Variants in KAZN observed in about 807,000 individuals in gnomAD.
KAZN encodes kazrin, periplakin interacting protein, also known as kazrin.
In KAZN, 40 loss-of-function variants were observed where a neutral mutation model predicts 87.4. The ratio of observed to expected loss-of-function variants is 0.46; its 90% CI spans 0.36 to 0.60. KAZN has a LOEUF of 0.60. Among genes scored for constraint, KAZN ranks in the 20% least tolerant of loss-of-function variants. The pLI, the probability that KAZN is intolerant of heterozygous loss-of-function variation, is 0.00. For missense variants in KAZN, 898 were observed against 1,073.9 expected (o/e 0.84, Z 2.29); for synonymous variants, 466 against 458.3 (o/e 1.02, Z -0.22).
At chr1:14,062,822 G>C (rs761457342) in intron 1 of KAZN, among the ~76,000 whole-genome samples, 3 of 151,932 alleles carry the variant, frequency 2.0e-5, no homozygotes, top group Non-Finnish European at 4.4e-5. Context: ...TTTAGGGGTG[G>C]GGCAGTGTTC....
intron 2 of KAZN, among the ~76,000 whole-genome samples, chr1:14,317,704 T>C (rs1044958129): frequency 2.0e-5 from 3 of 151,984 alleles, no homozygotes; most frequent in African/African-American, 7.2e-5. Flanking sequence ...AGTCTTCTTT[T>C]AATGTCATCA....
At position 14,769,591 on chromosome 1, in the gene KAZN, T is replaced by G. The variant is rs149852756; in HGVS notation, c.226+170368T>G. The stretch of plus-strand genomic sequence containing the variant: ...CTAGTTTCAAACTTATGACCTCAGG[T>G]GATCCACCTGCCTCAGCCTCCCAAA... On this transcript the variant is annotated intron_variant, in intron 1 of 14. Coordinates refer to ENST00000376030, the MANE Select transcript of KAZN (RefSeq NM_201628.3). This position sits in a 1 kb window ranked among gnomAD's most constrained non-coding sequence, Gnocchi z 4.1. 0.013 allele frequency among the ~76,000 whole-genome samples: 1,958 copies of G among 152,240 alleles called. 33 individuals carry two copies. Among genetic ancestry groups the G allele is most frequent in the African/African-American group, 0.033 (1,353 of 41,542 alleles).
chr1:14,440,512 T>C (rs1053979234), intron 2 of KAZN, among the ~76,000 whole-genome samples: 5 of 152,356 alleles, frequency 3.3e-5, no homozygotes, highest in African/African-American at 1.2e-4. Flanking sequence ...AACCCCATCC[T>C]ACTGAAGCAA....
chr1:14,303,129 A>C (rs962924773), intron 2 of KAZN, among the ~76,000 whole-genome samples: 1 of 152,206 alleles, frequency 6.6e-6, no homozygotes, highest in African/African-American at 2.4e-5. Flanking sequence ...TTAAACAAAG[A>C]AGCCAAGAGG....
At chr1:14,095,065 A>G (rs929712671) in intron 1 of KAZN, among the ~76,000 whole-genome samples, 4 of 152,200 alleles carry the variant, frequency 2.6e-5, no homozygotes, top group African/African-American at 7.2e-5. Context: ...GGGCAGGACA[A>G]TTCTATGCTG....
intron 8 of KAZN, among the ~76,000 whole-genome samples, chr1:15,074,810 G>A (rs1639667723): frequency 6.6e-6 from 1 of 152,160 alleles, no homozygotes; most frequent in African/African-American, 2.4e-5. Flanking sequence ...CTGTGCCTTC[G>A]TTTCTTCATG....
chr1:14,011,954 T>C (rs1640334563), intron 1 of KAZN, among the ~76,000 whole-genome samples: 2 of 152,086 alleles, frequency 1.3e-5, no homozygotes, highest in Admixed American at 1.3e-4. Context: ...TAGGGGGTGT[T>C]TGGAAATGAT....
chr1:14,896,615 G>A (rs920510752), intron 1 of KAZN, among the ~76,000 whole-genome samples: 2 of 152,152 alleles, frequency 1.3e-5, no homozygotes, highest in African/African-American at 4.8e-5. Context: ...AGCAGGCTGC[G>A]GCTGTATCAG....
chr1:14,695,262 G>C (rs1282731615), intron 1 of KAZN, among the ~76,000 whole-genome samples: 10 of 152,076 alleles, frequency 6.6e-5, no homozygotes, highest in Non-Finnish European at 1.5e-4. Flanking sequence ...CTACAACATG[G>C]CCCTGGGGAT....
At chr1:14,415,382 T>G (rs1425360429) in intron 2 of KAZN, among the ~76,000 whole-genome samples, 1 of 152,038 alleles carries the variant, frequency 6.6e-6, no homozygotes, top group African/African-American at 2.4e-5. Context: ...AATTGAGGGT[T>G]TGGGTAAATT....
intron 1 of KAZN, among the ~76,000 whole-genome samples, chr1:14,943,232 G>C (rs1661354090): frequency 6.6e-6 from 1 of 150,940 alleles, no homozygotes; most frequent in South Asian, 2.1e-4. Flanking sequence ...GCCACTCAGA[G>C]CAAGAATTAA....
intron 1 of KAZN, among the ~76,000 whole-genome samples, chr1:14,862,267 T>C (rs1420315329): frequency 6.6e-6 from 1 of 151,998 alleles, no homozygotes; most frequent in Admixed American, 6.5e-5. Flanking sequence ...AGAGAGGAAA[T>C]GAGGAACCAG....
Position 15,011,986 on chromosome 1 carries a change from T to G in KAZN, c.419-22763T>G, listed in dbSNP as rs1364193186. 2.0e-5 allele frequency among the ~76,000 whole-genome samples: 3 copies of G among 152,178 alleles called. No homozygotes were observed. In the East Asian group the frequency reaches 5.8e-4, roughly 29 times the overall value. ...CTGCTGGAACTTGGAAGAGCCTTTCTGTACACCCCCCAGCCTCAGGCTGCA... is the reference window on the plus strand; with the variant it reads ...CTGCTGGAACTTGGAAGAGCCTTTCGGTACACCCCCCAGCCTCAGGCTGCA... On this transcript the variant is annotated intron_variant, in intron 2 of 14. Coordinates refer to ENST00000376030, the MANE Select transcript of KAZN (RefSeq NM_201628.3).
At chr1:14,644,496 G>A (rs1489844591) in intron 1 of KAZN, among the ~76,000 whole-genome samples, 1 of 151,706 alleles carries the variant, frequency 6.6e-6, no homozygotes, top group African/African-American at 2.4e-5. Flanking sequence ...CGAGTAGCTG[G>A]GACTACAGGC....
chr1:14,591,175 C>A (rs975935049), intron 2 of KAZN, among the ~76,000 whole-genome samples: 7 of 151,930 alleles, frequency 4.6e-5, no homozygotes, highest in Non-Finnish European at 7.4e-5. Flanking sequence ...AATAGTGCCC[C>A]CCCCCCATGG....
chr1:14,660,918 G>A (rs757788576), intron 1 of KAZN, among the ~76,000 whole-genome samples: 4 of 152,188 alleles, frequency 2.6e-5, no homozygotes, highest in African/African-American at 4.8e-5. Flanking sequence ...TAATGGGCCC[G>A]TTCACCAGCA....
chr1:14,365,307 A>G lies in KAZN; in HGVS notation c.249+184715A>G, dbSNP rs1331429795. On this transcript the variant is annotated intron_variant, in intron 2 of 16. Coordinates refer to the KAZN transcript ENST00000636203. The stretch of plus-strand genomic sequence containing the variant: ...CATGATCCGCCCGCCTCGGCCTCCT[A>G]AAGTGCTGGGATTACAGGTGTGAGC... Among the ~76,000 whole-genome samples the G allele has an allele frequency of 4.0e-5, 6 of 150,848 alleles. 1 individual carries two copies. In the East Asian group the frequency reaches 5.9e-4, roughly 15 times the overall value.
At chr1:14,255,405 G>A (rs1016000805) in intron 2 of KAZN, among the ~76,000 whole-genome samples, 3 of 152,132 alleles carry the variant, frequency 2.0e-5, no homozygotes, top group Non-Finnish European at 4.4e-5. Flanking sequence ...TGTGTTTCAT[G>A]ATCTTTTTTT....
At chr1:14,751,535 G>C (rs1207737062) in intron 1 of KAZN, among the ~76,000 whole-genome samples, 1 of 152,190 alleles carries the variant, frequency 6.6e-6, no homozygotes, top group Non-Finnish European at 1.5e-5. Context: ...TTTTATTGCA[G>C]AGAATACTAA....
Sources: gnomAD v4.1 joint callset for allele counts (sites outside exome capture counted in the v4.1 genomes callset) on GRCh38, gnomAD v4.1.1 for gene constraint, Gnocchi (gnomAD v3.1) non-coding constraint, MANE v1.5 for transcripts, NCBI Gene and HGNC (gene_info 2026-07-23, HGNC 2026-07-21) for gene names.